Variants in RP1 observed in about 807,000 individuals in gnomAD.
RP1 encodes oxygen-regulated protein 1.
In RP1, 16 loss-of-function variants were observed where a neutral mutation model predicts 14.8. That is an observed-to-expected ratio of 1.08 (90% CI 0.73 to 1.65). The LOEUF (loss-of-function observed/expected upper bound fraction) is 1.65, where lower values mean the gene tolerates loss of function less well. RP1 is among the 40% of genes most tolerant of loss of function. The pLI is 0.00. For missense variants in RP1, 2,631 were observed against 2,535.0 expected, an observed-to-expected ratio of 1.04 and a Z score of -0.81; for synonymous variants, 876 against 883.6, an observed-to-expected ratio of 0.99 and a Z score of 0.15.
At chr8:54,692,899 A>G (rs1807749955) in intron 12 of RP1, among the ~76,000 whole-genome samples, 1 of 152,224 alleles carries the variant, frequency 6.6e-6, no homozygotes, top group Non-Finnish European at 1.5e-5. Flanking sequence ...GCCCATGCCT[A>G]TGTCCTGAAT....
At chr8:54,742,937 A>G (rs952444391) in intron 19 of RP1, among the ~76,000 whole-genome samples, 1 of 152,212 alleles carries the variant, frequency 6.6e-6, no homozygotes, top group African/African-American at 2.4e-5. Context: ...AGGAGCACTC[A>G]GTCCTGGGAA....
chr8:54,797,708 T>C (rs896268204), intron 24 of RP1, among the ~76,000 whole-genome samples: 17 of 152,162 alleles, frequency 1.1e-4, no homozygotes, highest in Non-Finnish European at 2.2e-4. Context: ...TTCACACCTC[T>C]TTCAGAAGAA....
intron 19 of RP1, among the ~76,000 whole-genome samples, chr8:54,744,031 G>A (rs1018826633): frequency 5.9e-5 from 9 of 152,182 alleles, no homozygotes; most frequent in African/African-American, 1.7e-4. Context: ...GTTCTGGGAT[G>A]CCCTGTGGTA....
At chr8:54,712,947 C>T (rs891957280) in intron 15 of RP1, among the ~76,000 whole-genome samples, 1 of 152,134 alleles carries the variant, frequency 6.6e-6, no homozygotes, top group African/African-American at 2.4e-5. Flanking sequence ...TGTTTAGAGG[C>T]TATGGTAAGG....
At chr8:54,737,008 C>T (rs182810164) in intron 18 of RP1, among the ~76,000 whole-genome samples, 3 of 152,302 alleles carry the variant, frequency 2.0e-5, no homozygotes, top group Admixed American at 6.5e-5. Flanking sequence ...TCATTGGCAT[C>T]ATTTGCCACT....
At chr8:54,638,937 A>T (rs1806406300) in intron 3 of RP1, among the ~76,000 whole-genome samples, 1 of 148,706 alleles carries the variant, frequency 6.7e-6, no homozygotes. Flanking sequence ...TTTGGGTATA[A>T]TTTACATTTG....
intron 12 of RP1, among the ~76,000 whole-genome samples, chr8:54,686,513 T>C (rs1585606148): frequency 1.3e-5 from 2 of 152,144 alleles, no homozygotes; most frequent in South Asian, 4.1e-4. Flanking sequence ...GAACCACTTC[T>C]AGGCAATACT....
intron 14 of RP1, among the ~76,000 whole-genome samples, chr8:54,703,462 C>T (rs548605846): frequency 1.9e-4 from 29 of 152,220 alleles, no homozygotes; most frequent in Admixed American, 1.2e-3. Flanking sequence ...ACTCAGTAAA[C>T]GATGCTGTAA....
At chr8:54,663,927 A>G in intron 7 of RP1, 5 of 1,302,460 alleles carry the variant, frequency 3.8e-6, no homozygotes, top group Non-Finnish European at 5.0e-6. Flanking sequence ...TGTTGTAACT[A>G]TTCTAAGAGT....
chr8:54,826,906 T>G (rs1408076952), intron 24 of RP1, among the ~76,000 whole-genome samples: 1 of 152,280 alleles, frequency 6.6e-6, no homozygotes, highest in African/African-American at 2.4e-5. Context: ...TACTCGCCTA[T>G]GCTATATGGG....
chr8:54,666,845 C>G (rs1299507833), intron 7 of RP1, among the ~76,000 whole-genome samples: 1 of 152,010 alleles, frequency 6.6e-6, no homozygotes, highest in Non-Finnish European at 1.5e-5. Context: ...ATGCCAAGCC[C>G]CATCTGTTCT....
In RP1 at chr8:54,679,452, T is replaced by C. The variant is rs895807583; in HGVS notation, c.1511T>C (p.Ile504Thr). Reference sequence around the variant, plus strand: ...GATCAGGGGGAAGATGATTGTAAAATTGTCAGAGAACTGTATGCCAGGGAT... The same window carrying C: ...GATCAGGGGGAAGATGATTGTAAAACTGTCAGAGAACTGTATGCCAGGGAT... Residue 504 changes from isoleucine to threonine, a missense_variant, in exon 10 of 23, where the codon ATT (isoleucine) becomes ACT (threonine). Coordinates refer to the RP1 transcript ENST00000636932. 2.6e-6 allele frequency: 4 copies of C among 1,535,824 alleles called. No homozygotes were observed. In the African/African-American group the frequency reaches 5.5e-5, roughly 21 times the overall value.
intron 24 of RP1, among the ~76,000 whole-genome samples, chr8:54,801,568 G>A (rs1810708439): frequency 6.6e-6 from 1 of 151,610 alleles, no homozygotes; most frequent in Non-Finnish European, 1.5e-5. Context: ...ACAGATTCAG[G>A]ACTTCCGCCT....
intron 12 of RP1, among the ~76,000 whole-genome samples, chr8:54,698,518 C>T (rs1807929868): frequency 6.6e-6 from 1 of 152,098 alleles, no homozygotes; most frequent in Non-Finnish European, 1.5e-5. Context: ...ACCATTTGAC[C>T]CAGCAAATCC....
chr8:54,649,265 A>G, intron 4 of RP1: 4 of 794,210 alleles, frequency 5.0e-6, no homozygotes, highest in Non-Finnish European at 6.9e-6. Context: ...AGATCATTCA[A>G]AAATAATTTA....
In RP1 at chr8:54,622,182, T is replaced by C. The variant is rs1479855702; in HGVS notation, c.681T>C (p.Phe227=). ...GAVVAAGREP[F]KPGNYDIQKY... Reference sequence around the variant, plus strand: ...TGGTGGCGGCAGGAAGGGAGCCATTTAAACCAGGAAATTATGACATCCAAA... The same window carrying C: ...TGGTGGCGGCAGGAAGGGAGCCATTCAAACCAGGAAATTATGACATCCAAA... The change falls in exon 3 of 4, where the codon TTT becomes TTC. Residue 227 remains phenylalanine (F), a synonymous_variant. Coordinates refer to ENST00000220676, the MANE Select transcript of RP1 (RefSeq NM_006269.2). The C allele has an allele frequency of 1.9e-6, 3 of 1,614,194 alleles. No individual in the cohort carries two copies. Among genetic ancestry groups the C allele is most frequent in the Non-Finnish European group, 2.5e-6 (3 of 1,180,020 alleles).
At chr8:54,640,786 G>A (rs1259752521) in intron 3 of RP1, among the ~76,000 whole-genome samples, 1 of 152,048 alleles carries the variant, frequency 6.6e-6, no homozygotes, top group Non-Finnish European at 1.5e-5. Flanking sequence ...CATTAGTTCT[G>A]TATCTTATAC....
chr8:54,811,664 T>C (rs2129393266), intron 24 of RP1, among the ~76,000 whole-genome samples: 1 of 152,296 alleles, frequency 6.6e-6, no homozygotes, highest in East Asian at 1.9e-4. Context: ...AATTACATAT[T>C]TCAAAGTTTA....
At chr8:54,698,414 T>C (rs556163667) in intron 12 of RP1, among the ~76,000 whole-genome samples, 1 of 152,232 alleles carries the variant, frequency 6.6e-6, no homozygotes, top group African/African-American at 2.4e-5. Context: ...TGTGGAGAAA[T>C]AGGAACGCTT....
Sources: allele counts gnomAD v4.1 joint callset (sites outside exome capture counted in the v4.1 genomes callset), GRCh38; gene constraint gnomAD v4.1.1; transcripts MANE v1.5; gene names NCBI Gene and HGNC (gene_info 2026-07-23, HGNC 2026-07-21).